The following CSMD1 variants were observed in gnomAD, a reference collection of about 807,000 sequenced individuals.
CSMD1 encodes the protein CUB and sushi domain-containing protein 1.
Under a neutral mutation model 417.5 loss-of-function variants are expected in CSMD1, and 213 were observed. The ratio of observed to expected loss-of-function variants is 0.51; its 90% CI spans 0.46 to 0.57. The LOEUF is 0.57. CSMD1 is among the 20% of genes least tolerant of loss of function. CSMD1 has a pLI of 0.00. For missense variants in CSMD1, 6,923 were observed against 4,529.7 expected (o/e 1.53, Z -15.17); for synonymous variants, 2,862 against 1,736.8 (o/e 1.65, Z -16.11).
At chr8:3,636,207 G>C (rs1366961005) in intron 7 of CSMD1, among the ~76,000 whole-genome samples, 1 of 152,158 alleles carries the variant, frequency 6.6e-6, no homozygotes, top group Non-Finnish European at 1.5e-5. Flanking sequence ...CCATTGGAAG[G>C]TCTTCAGGAG....
chr8:4,027,642 A>G (rs111627907), intron 4 of CSMD1, among the ~76,000 whole-genome samples: 2,871 of 152,268 alleles, frequency 0.019, 95 homozygotes, highest in African/African-American at 0.066. Flanking sequence ...TAAATTACCC[A>G]GTCTCAGGTA....
At chr8:3,963,543 A>C (rs1161778063) in intron 5 of CSMD1, among the ~76,000 whole-genome samples, 1 of 152,224 alleles carries the variant, frequency 6.6e-6, no homozygotes, top group Non-Finnish European at 1.5e-5. Context: ...TTATAAACAT[A>C]AAATTCGTAT....
At chr8:3,160,447 AGGTG>A (rs1819813219) in intron 38 of CSMD1, among the ~76,000 whole-genome samples, 1 of 152,162 alleles carries the variant, frequency 6.6e-6, no homozygotes, top group Admixed American at 6.5e-5. Context: ...CTGACATATC[AGGTG>A]GATCAGGAAC....
intron 37 of CSMD1, among the ~76,000 whole-genome samples, chr8:3,179,164 C>T (rs1202878707): frequency 1.3e-5 from 2 of 151,628 alleles, no homozygotes; most frequent in Non-Finnish European, 1.5e-5. Context: ...CCAGGACTGT[C>T]TCGATCTCCT....
intron 5 of CSMD1, among the ~76,000 whole-genome samples, chr8:3,981,921 C>G (rs1019942237): frequency 6.6e-6 from 1 of 152,046 alleles, no homozygotes; most frequent in African/African-American, 2.4e-5. Flanking sequence ...CCTGTAATCC[C>G]GGCACTTTGG....
Position 3,087,250 on chromosome 8 carries a change from C to T in CSMD1, c.7321G>A (p.Gly2441Arg). The change falls in exon 49 of 70, where the codon GGG becomes AGG. Residue 2441 changes from glycine to arginine, a missense_variant. By Grantham distance (125) the Gly-to-Arg change is moderately radical. Transcript: ENST00000635120. ...YCSLTHPLKN[G>R]GILNRTAGAV... is the part of the protein sequence containing the mutation. The stretch of plus-strand genomic sequence containing the variant: ...CCTGCAGTCCTGTTTAGAATACCCC[C>T]ATTCTTCAGGGGGTGGGTCAAACTG... 1.2e-6 allele frequency: 2 copies of T among 1,614,004 alleles called. No individual in the cohort carries two copies. The highest frequency in any genetic ancestry group is 1.7e-6 in the Non-Finnish European group (2 of 1,179,884).
chr8:3,111,285 G>A (rs1028485029), intron 42 of CSMD1, among the ~76,000 whole-genome samples: 2 of 152,208 alleles, frequency 1.3e-5, no homozygotes, highest in Non-Finnish European at 2.9e-5. Context: ...CTGTTGAACT[G>A]CACAGATGTG....
At chr8:3,800,273 A>T (rs1800384670) in intron 5 of CSMD1, among the ~76,000 whole-genome samples, 1 of 152,164 alleles carries the variant, frequency 6.6e-6, no homozygotes, top group African/African-American at 2.4e-5. Flanking sequence ...TTGGGAATAC[A>T]AGAAGTTTAA....
chr8:3,529,858 T>C (rs1175557913), intron 10 of CSMD1, among the ~76,000 whole-genome samples: 1 of 152,164 alleles, frequency 6.6e-6, no homozygotes, highest in Non-Finnish European at 1.5e-5. Context: ...GACAATAAAT[T>C]AATTATAGCA....
At chr8:4,734,842 A>G (rs968112532) in intron 1 of CSMD1, among the ~76,000 whole-genome samples, 1 of 152,122 alleles carries the variant, frequency 6.6e-6, no homozygotes, top group Non-Finnish European at 1.5e-5. Context: ...CTGTGGACTG[A>G]ACTCTCCTTG....
chr8:4,132,534 A>G (rs912573762), intron 3 of CSMD1, among the ~76,000 whole-genome samples: 7 of 152,192 alleles, frequency 4.6e-5, no homozygotes, highest in Non-Finnish European at 1.0e-4. Context: ...GTATAATTTT[A>G]AAATGCAAAG....
At chr8:4,486,160 T>TAA (rs1801380309) in intron 2 of CSMD1, among the ~76,000 whole-genome samples, 1 of 21,406 alleles carries the variant, frequency 4.7e-5, no homozygotes, top group Non-Finnish European at 1.0e-4. Flanking sequence ...TATATATACA[T>TAA]ACATATATAT....
At chr8:3,709,962 C>A (rs1208721390) in intron 6 of CSMD1, among the ~76,000 whole-genome samples, 2 of 151,610 alleles carry the variant, frequency 1.3e-5, no homozygotes, top group Admixed American at 1.3e-4. Context: ...AACCCCCAAC[C>A]CCCACACACA....
At chr8:4,745,159 T>C (rs1585033144) in intron 1 of CSMD1, among the ~76,000 whole-genome samples, 1 of 152,186 alleles carries the variant, frequency 6.6e-6, no homozygotes, top group African/African-American at 2.4e-5. Flanking sequence ...AGATTTATCT[T>C]ATGTAGGTAA....
chr8:4,397,008 T>C (rs1281502643), intron 3 of CSMD1, among the ~76,000 whole-genome samples: 3 of 151,668 alleles, frequency 2.0e-5, no homozygotes, highest in Non-Finnish European at 2.9e-5. Flanking sequence ...ACACCATCTG[T>C]TCCCTAAAAA....
At chr8:3,489,359 G>A (rs543027378) in intron 11 of CSMD1, among the ~76,000 whole-genome samples, 2 of 152,268 alleles carry the variant, frequency 1.3e-5, no homozygotes, top group South Asian at 2.1e-4. Flanking sequence ...TTCTCATAGA[G>A]GGACGGGCAT....
intron 1 of CSMD1, among the ~76,000 whole-genome samples, chr8:4,758,252 A>C (rs1042250840): frequency 3.9e-5 from 6 of 152,170 alleles, no homozygotes; most frequent in Non-Finnish European, 8.8e-5. Context: ...CCCACCGACT[A>C]TAATGAAGGA....
intron 3 of CSMD1, among the ~76,000 whole-genome samples, chr8:4,177,392 G>C (rs2680617): frequency 0.98 from 149,361 of 152,022 alleles, 73,427 homozygotes; most frequent in Middle Eastern, 1. Context: ...CGAGAACAAA[G>C]ACACAACATA....
intron 3 of CSMD1, among the ~76,000 whole-genome samples, chr8:4,306,795 A>G (rs529235074): frequency 1.3e-4 from 20 of 151,826 alleles, no homozygotes; most frequent in African/African-American, 3.4e-4. Flanking sequence ...TCTTTCTTCC[A>G]TTCTCCATAG....
Sources: gnomAD v4.1 joint callset for allele counts (sites outside exome capture counted in the v4.1 genomes callset) on GRCh38, gnomAD v4.1.1 for gene constraint, MANE v1.5 for transcripts, NCBI Gene and HGNC (gene_info 2026-07-23, HGNC 2026-07-21) for gene names.